ANO6: variants seen among roughly 807,000 people sequenced by gnomAD.
The protein encoded by ANO6 is anoctamin 6.
In ANO6, 106 loss-of-function variants were observed where a neutral mutation model predicts 117.5. The observed-to-expected ratio is 0.90, with a 90% CI of 0.77 to 1.06. The LOEUF (loss-of-function observed/expected upper bound fraction) is 1.06. ANO6 is among the 50% of genes least tolerant of loss of function. ANO6 has a pLI of 0.00. For missense variants in ANO6, 955 were observed against 1,121.1 expected (o/e 0.85, Z 2.12); for synonymous variants, 367 against 385.1 (o/e 0.95, Z 0.55).
intron 1 of ANO6, among the ~76,000 whole-genome samples, chr12:45,275,282 C>T (rs1241531205): frequency 6.6e-6 from 1 of 152,188 alleles, no homozygotes; most frequent in African/African-American, 2.4e-5. Flanking sequence ...GCCATCTCGG[C>T]TCACTGCAAC....
intron 8 of ANO6, among the ~76,000 whole-genome samples, chr12:45,360,026 G>A (rs888731506): frequency 2.6e-5 from 4 of 152,164 alleles, no homozygotes; most frequent in African/African-American, 9.7e-5. Context: ...CTGATGGTGA[G>A]CATCTTCTCA....
chr12:45,379,733 C>T (rs912640083), intron 10 of ANO6, among the ~76,000 whole-genome samples: 4 of 152,152 alleles, frequency 2.6e-5, no homozygotes, highest in Non-Finnish European at 4.4e-5. Context: ...AAAGACAAGC[C>T]TCAAATTTAC....
chr12:45,424,661 G>A (rs1315110035), intron 19 of ANO6, among the ~76,000 whole-genome samples: 4 of 152,084 alleles, frequency 2.6e-5, no homozygotes, highest in Admixed American at 2.0e-4. Flanking sequence ...TAATAGGGCA[G>A]TGAGCAATAA....
Position 45,216,300 on chromosome 12 carries a change from G to T in ANO6, c.-22G>T, listed in dbSNP as rs762975224. 6 of 1,597,574 alleles carry T rather than the reference G, an allele frequency of 3.8e-6. No homozygotes were observed. The highest frequency in any genetic ancestry group is 4.3e-6 in the Non-Finnish European group (5 of 1,172,180). On this transcript the variant is annotated 5_prime_UTR_variant, in exon 1 of 20. Coordinates refer to ENST00000320560, the MANE Select transcript of ANO6 (RefSeq NM_001025356.3). ...GAGCCCCCAACTTCGCGCCAAGTTC[G>T]GAGCCGCCTTCTGAGGGAGACATGA...
At chr12:45,278,017 A>G (rs1938606665) in intron 1 of ANO6, among the ~76,000 whole-genome samples, 1 of 151,976 alleles carries the variant, frequency 6.6e-6, no homozygotes, top group Admixed American at 6.6e-5. Context: ...AGGTGGCACA[A>G]TCATAGCTCA....
At chr12:45,236,301 A>G (rs1346350701) in intron 1 of ANO6, among the ~76,000 whole-genome samples, 2 of 152,168 alleles carry the variant, frequency 1.3e-5, no homozygotes, top group African/African-American at 4.8e-5. Context: ...TTACATAGGT[A>G]TACATGTACC....
intron 17 of ANO6, 73 bp from the exon 18 acceptor site, chr12:45,420,998 A>G: frequency 6.6e-7 from 1 of 1,504,576 alleles, no homozygotes; most frequent in South Asian, 1.1e-5. Flanking sequence ...CAGCCTGGGC[A>G]GCAAGAGCGA....
At chr12:45,216,447 G>C in intron 1 of ANO6, 56 bp downstream of exon 1, 1 of 1,581,594 alleles carries the variant, frequency 6.3e-7, no homozygotes. Flanking sequence ...GCGGGAAGAA[G>C]TTCGGGGACT....
At chr12:45,340,766 C>G (rs1940958221) in intron 3 of ANO6, among the ~76,000 whole-genome samples, 2 of 152,106 alleles carry the variant, frequency 1.3e-5, no homozygotes. Context: ...TTTTAAATGT[C>G]AAGAACACTG....
intron 1 of ANO6, among the ~76,000 whole-genome samples, chr12:45,252,979 T>C (rs1291898954): frequency 6.6e-6 from 1 of 152,234 alleles, no homozygotes; most frequent in Non-Finnish European, 1.5e-5. Flanking sequence ...TATCTTTCTT[T>C]TGAGACTTCC....
intron 10 of ANO6, among the ~76,000 whole-genome samples, chr12:45,381,140 A>G (rs1942157996): frequency 1.3e-5 from 2 of 152,212 alleles, no homozygotes; most frequent in Admixed American, 6.5e-5. Flanking sequence ...TAGACAATGC[A>G]GGATATAACA....
At chr12:45,275,318 C>G (rs1938520439) in intron 1 of ANO6, among the ~76,000 whole-genome samples, 1 of 152,082 alleles carries the variant, frequency 6.6e-6, no homozygotes, top group South Asian at 2.1e-4. Flanking sequence ...TCAAGCAGTT[C>G]CCTGCCTCAG....
intron 1 of ANO6, among the ~76,000 whole-genome samples, chr12:45,231,538 T>C (rs1034157449): frequency 2.0e-5 from 3 of 152,168 alleles, no homozygotes. Context: ...TTAAGATTAT[T>C]CACTTTATAT....
At chr12:45,246,259 A>G (rs1338848576) in intron 1 of ANO6, among the ~76,000 whole-genome samples, 3 of 152,234 alleles carry the variant, frequency 2.0e-5, no homozygotes, top group Non-Finnish European at 4.4e-5. Context: ...AGAATCATTC[A>G]TAAGCCACAG....
intron 1 of ANO6, among the ~76,000 whole-genome samples, chr12:45,263,094 ATAATAT>A (rs1248749107): frequency 8.6e-5 from 13 of 151,818 alleles, no homozygotes; most frequent in African/African-American, 3.1e-4. Context: ...GCTGTTATAA[ATAATAT>A]TGAGAGAGAT....
At chr12:45,417,744 A>G (rs1442052804) in intron 17 of ANO6, among the ~76,000 whole-genome samples, 3 of 152,186 alleles carry the variant, frequency 2.0e-5, no homozygotes, top group African/African-American at 7.2e-5. Context: ...CCTCCCTAAC[A>G]AAGTGATTCC....
intron 2 of ANO6, among the ~76,000 whole-genome samples, chr12:45,305,676 C>T (rs796710523): frequency 2.6e-5 from 4 of 152,172 alleles, no homozygotes; most frequent in Admixed American, 1.3e-4. Context: ...TGTAGAGTTC[C>T]GTCTTAAAAG....
At chr12:45,419,131 A>G (rs1296767762) in intron 17 of ANO6, among the ~76,000 whole-genome samples, 1 of 152,232 alleles carries the variant, frequency 6.6e-6, no homozygotes, top group Non-Finnish European at 1.5e-5. Flanking sequence ...ACATTGTTGT[A>G]TCATGCCAGA....
At chr12:45,220,984 C>T (rs1197377771) in intron 1 of ANO6, among the ~76,000 whole-genome samples, 1 of 151,940 alleles carries the variant, frequency 6.6e-6, no homozygotes, top group East Asian at 1.9e-4. Context: ...GAGGGTGTTG[C>T]AAGAACCTCA....
Sources: allele counts gnomAD v4.1 joint callset (sites outside exome capture counted in the v4.1 genomes callset), GRCh38; gene constraint gnomAD v4.1.1; transcripts MANE v1.5; gene names NCBI Gene and HGNC (gene_info 2026-07-23, HGNC 2026-07-21).